The following CPVL variants were observed in gnomAD, a reference collection of about 807,000 sequenced individuals.
The protein encoded by CPVL is probable serine carboxypeptidase CPVL.
A neutral mutation model predicts 63.7 loss-of-function variants in CPVL; 51 were observed. The ratio of observed to expected loss-of-function variants is 0.80; its 90% confidence interval spans 0.64 to 1.01. The LOEUF (loss-of-function observed/expected upper bound fraction) is 1.01. Ranked by LOEUF, CPVL falls within the 50% of genes least tolerant of loss-of-function variation. CPVL has a pLI of 0.00. For missense variants in CPVL, 530 were observed against 573.1 expected (o/e 0.92, Z 0.77); for synonymous variants, 195 against 206.0 (o/e 0.95, Z 0.46).
chr7:29,098,164 G>A (rs147329434), intron 3 of CPVL, among the ~76,000 whole-genome samples: 2 of 152,296 alleles, frequency 1.3e-5, no homozygotes, highest in Non-Finnish European at 2.9e-5. Flanking sequence ...AGGTCTGAGT[G>A]GATGCGTTCC....
intron 11 of CPVL, among the ~76,000 whole-genome samples, chr7:29,055,644 T>C (rs2128178014): frequency 6.6e-6 from 1 of 152,316 alleles, no homozygotes; most frequent in East Asian, 1.9e-4. Flanking sequence ...CCAGCCCTGG[T>C]GCTGGGCTCT....
At chr7:29,113,046 G>A in intron 2 of CPVL, 5 of 451,208 alleles carry the variant, frequency 1.1e-5, no homozygotes, top group South Asian at 4.5e-5. Flanking sequence ...AGCCTTTGGG[G>A]AGGGGTGCCC....
At chr7:29,092,477 G>A in intron 6 of CPVL, 146 bp downstream of exon 6, 1 of 611,848 alleles carries the variant, frequency 1.6e-6, no homozygotes, top group Non-Finnish European at 2.9e-6. Flanking sequence ...CTCTGTGTGT[G>A]TGGATGTGAA....
At chr7:29,123,175 A>G (rs1184138395) in intron 1 of CPVL, among the ~76,000 whole-genome samples, 2 of 152,204 alleles carry the variant, frequency 1.3e-5, no homozygotes, top group Non-Finnish European at 2.9e-5. Context: ...TCTTTTAACG[A>G]CATGCTTATT....
intron 1 of CPVL, among the ~76,000 whole-genome samples, chr7:29,191,262 A>T (rs1307631993): frequency 6.6e-6 from 1 of 152,200 alleles, no homozygotes; most frequent in Non-Finnish European, 1.5e-5. Flanking sequence ...AATGAAATAT[A>T]TACCAAAAGT....
At chr7:29,172,363 G>T (rs910662797) in intron 5 of CPVL, among the ~76,000 whole-genome samples, 1 of 152,092 alleles carries the variant, frequency 6.6e-6, no homozygotes, top group African/African-American at 2.4e-5. Flanking sequence ...CTACACCTAG[G>T]CTCACCCTTG....
intron 5 of CPVL, among the ~76,000 whole-genome samples, chr7:29,171,745 C>G (rs1796636567): frequency 6.6e-6 from 1 of 152,162 alleles, no homozygotes. Context: ...CCAGAGAATG[C>G]ATTTTCATTT....
In CPVL at chr7:29,107,621, C is replaced by A. The variant is rs186237412; in HGVS notation, c.288+5083G>T. On this transcript the variant is annotated intron_variant, in intron 3 of 12. Transcript: ENST00000265394. ...CCATTGACTGGCTGCACTGGGACCA[C>A]TGTGGAGCACATTACAAACACTGAT... 1.1e-4 allele frequency among the ~76,000 whole-genome samples: 17 copies of A among 152,320 alleles called. No homozygotes were observed. In the East Asian group the frequency reaches 3.3e-3, roughly 29 times the overall value.
chr7:28,998,695 G>T (rs1784325218), intron 12 of CPVL, among the ~76,000 whole-genome samples: 1 of 152,096 alleles, frequency 6.6e-6, no homozygotes, highest in Non-Finnish European at 1.5e-5. Context: ...ATATCAGGAG[G>T]ATTGCTTGAG....
chr7:29,137,673 G>T (rs939249617), intron 1 of CPVL, among the ~76,000 whole-genome samples: 5 of 152,064 alleles, frequency 3.3e-5, no homozygotes, highest in African/African-American at 9.7e-5. Flanking sequence ...AAATGATTTG[G>T]GGTCTGCTTT....
At chr7:29,022,474 G>A (rs1046417704) in intron 12 of CPVL, among the ~76,000 whole-genome samples, 2 of 152,090 alleles carry the variant, frequency 1.3e-5, no homozygotes, top group East Asian at 1.9e-4. Flanking sequence ...ACTGCCACAC[G>A]CATCACCCAC....
At chr7:29,188,447 A>G (rs1798981800) in intron 1 of CPVL, among the ~76,000 whole-genome samples, 3 of 152,344 alleles carry the variant, frequency 2.0e-5, no homozygotes, top group East Asian at 3.9e-4. Flanking sequence ...GTAAAAGGCC[A>G]AAATATGTTT....
rs139179740 is a variant in CPVL at position 29,055,306 on chromosome 7, G to A, written c.1137+8755C>T. ...ACTCTGTCACCCAAACTGGAGTGCA[G>A]TGGTGCAATCTCGGCTCACTGCAAC... On this transcript the variant is annotated intron_variant, in intron 11 of 12. Transcript: ENST00000265394. Among the ~76,000 whole-genome samples, 1,279 of 152,290 alleles carry A rather than the reference G, an allele frequency of 8.4e-3. 6 individuals are homozygous for A. The highest frequency in any genetic ancestry group is 0.011 in the Admixed American group (170 of 15,296).
At chr7:29,072,867 A>G (rs1266404907) in intron 7 of CPVL, among the ~76,000 whole-genome samples, 1 of 152,246 alleles carries the variant, frequency 6.6e-6, no homozygotes, top group Non-Finnish European at 1.5e-5. Context: ...TAGGAGAAGC[A>G]GAAAAGGAAA....
intron 9 of CPVL, among the ~76,000 whole-genome samples, chr7:29,069,440 CAAAAAAA>C (rs34421309): frequency 3.7e-5 from 3 of 81,212 alleles, no homozygotes; most frequent in Non-Finnish European, 7.9e-5. Context: ...GACTCCGTCT[CAAAAAAA>C]AAAAAAAAAA....
chr7:29,015,067 G>A (rs1417829691), intron 12 of CPVL, among the ~76,000 whole-genome samples: 1 of 152,216 alleles, frequency 6.6e-6, no homozygotes, highest in Non-Finnish European at 1.5e-5. Flanking sequence ...GTTGTGTGTA[G>A]TCAAGAAACA....
intron 9 of CPVL, among the ~76,000 whole-genome samples, chr7:29,067,674 G>T (rs1415045947): frequency 6.6e-6 from 1 of 152,154 alleles, no homozygotes; most frequent in Non-Finnish European, 1.5e-5. Flanking sequence ...ATATTAAGTT[G>T]TAAGGAGTTC....
chr7:29,074,406 T>C (rs1196882181), intron 7 of CPVL, among the ~76,000 whole-genome samples: 1 of 152,230 alleles, frequency 6.6e-6, no homozygotes, highest in Non-Finnish European at 1.5e-5. Context: ...TAAGTGAACA[T>C]TTATCAAATA....
rs116075810 is a variant in CPVL, at chr7:29,173,264, C to A, written c.-11+8026G>T. 2.5e-3 allele frequency among the ~76,000 whole-genome samples: 385 copies of A among 152,174 alleles called. 1 individual carries two copies. The highest frequency in any genetic ancestry group is 8.7e-3 in the African/African-American group (362 of 41,504). Reference sequence around the variant, plus strand: ...AAGCAGGAACCCAGAGGAAAAAAAGCCCTGTAGCTGGCATTGCCCTGAATG... The same window carrying A: ...AAGCAGGAACCCAGAGGAAAAAAAGACCTGTAGCTGGCATTGCCCTGAATG... On this transcript the variant is annotated intron_variant, in intron 5 of 16. Transcript: ENST00000409850.
Sources: gnomAD v4.1 joint callset for allele counts (sites outside exome capture counted in the v4.1 genomes callset) on GRCh38, gnomAD v4.1.1 for gene constraint, MANE v1.5 for transcripts, NCBI Gene and HGNC (gene_info 2026-07-23, HGNC 2026-07-21) for gene names.